Variants in EBF4 observed in about 807,000 individuals in gnomAD.
The protein encoded by EBF4 is EBF transcription factor 4.
Under a neutral mutation model 67.1 loss-of-function variants are expected in EBF4, and 34 were observed. The observed-to-expected ratio is 0.51, with a 90% CI of 0.39 to 0.67. The LOEUF (loss-of-function observed/expected upper bound fraction) is 0.67, where lower values mean the gene tolerates loss of function less well. EBF4 is among the 30% of genes least tolerant of loss of function. The pLI is 0.00. For missense variants in EBF4, 837 were observed against 873.3 expected, an observed-to-expected ratio of 0.96 and a Z score of 0.52; for synonymous variants, 387 against 377.7, an observed-to-expected ratio of 1.02 and a Z score of -0.29.
chr20:2,752,092 C>T (rs1165727869), exon 13 of EBF4: 5 of 1,458,236 alleles, frequency 3.4e-6, no homozygotes, highest in African/African-American at 3.0e-5. Context: ...GCAGGAGCTG[C>T]TCCTGAAGCG....
Position 2,749,615 on chromosome 20 carries a change from C to T in EBF4, c.758-5C>T, listed in dbSNP as rs1465773494. ...CCCTGACCTGGGTCCTCTCCTGCCT[C>T]CCAGCTGCCACCCCCTGCATCAAGG... On this transcript the variant is annotated splice_polypyrimidine_tract_variant and splice_region_variant and intron_variant, in intron 8 of 16. Coordinates refer to ENST00000609451, the Ensembl canonical transcript of EBF4. 2 of 1,554,836 alleles carry T rather than the reference C, an allele frequency of 1.3e-6. No homozygotes were observed. Among genetic ancestry groups the T allele is most frequent in the East Asian group, 2.4e-5 (1 of 41,194 alleles).
rs963214463 is a variant in EBF4, at chr20:2,739,863, C to T, written c.558-8686C>T. On this transcript the variant is annotated intron_variant, in intron 6 of 16. Coordinates refer to ENST00000609451, the Ensembl canonical transcript of EBF4. This position sits in a 1 kb window ranked among gnomAD's most constrained non-coding sequence, Gnocchi z 4.5. Reference sequence around the variant, plus strand: ...CATATCCAATTTAATCTACCCTTCACTCTTAACCTGCTGTCTTTCCCAAGG... The same window carrying T: ...CATATCCAATTTAATCTACCCTTCATTCTTAACCTGCTGTCTTTCCCAAGG... 1.3e-5 allele frequency among the ~76,000 whole-genome samples: 2 copies of T among 152,264 alleles called. No individual in the cohort carries two copies. Among genetic ancestry groups the T allele is most frequent in the African/African-American group, 4.8e-5 (2 of 41,472 alleles).
intron 6 of EBF4, 80 bp downstream of exon 6, chr20:2,709,722 G>A: frequency 7.2e-7 from 1 of 1,379,994 alleles, no homozygotes; most frequent in Non-Finnish European, 9.6e-7. Context: ...GAGCACCAAG[G>A]CTCAAGGGAG....
At chr20:2,753,130 C>G (rs887417926) in intron 14 of EBF4, among the ~76,000 whole-genome samples, 4 of 152,234 alleles carry the variant, frequency 2.6e-5, no homozygotes, top group African/African-American at 4.8e-5. Flanking sequence ...GGGCATTCAG[C>G]AAGTTACTTA....
In EBF4 at chr20:2,755,785, C is replaced by T; in HGVS notation, c.1699C>T (p.Pro567Ser). 6.5e-7 allele frequency: 1 copy of T among 1,549,754 alleles called. No homozygotes were observed. The highest frequency in any genetic ancestry group is 2.4e-5 in the East Asian group (1 of 40,910). Residue 567 changes from proline (P) to serine (S), a missense_variant, in exon 15 of 17, where the codon CCC (proline) becomes TCC (serine). By Grantham distance (74) the Pro-to-Ser change is moderately conservative. Around this residue, in one of 3 missense-constraint regions of EBF4, gnomAD observed 525 missense variants for 496.5 expected, o/e 1.06. Transcript: ENST00000609451. The surrounding 1 kb of genome is among the most constrained non-coding windows in gnomAD (Gnocchi z 4.7). ...CGTGCTGCGCCCCCCAAGCTCCCCA[C>T]CCCAGGCCTGCCCCAGAGCCCACGG...
chr20:2,729,588 C>A (rs1181002297), intron 6 of EBF4, among the ~76,000 whole-genome samples: 1 of 152,154 alleles, frequency 6.6e-6, no homozygotes, highest in South Asian at 2.1e-4. Flanking sequence ...GCTACAGCAT[C>A]TTGAGAGCTC....
intron 1 of EBF4, 59 bp from the exon 2 acceptor site, chr20:2,705,518 C>T (rs2087439657): frequency 6.4e-7 from 1 of 1,550,802 alleles, no homozygotes; most frequent in Admixed American, 2.0e-5. Flanking sequence ...GCCCGAGGCG[C>T]TGGAGTCTTT....
At chr20:2,709,268 C>T (rs1175241866) in intron 5 of EBF4, among the ~76,000 whole-genome samples, 1 of 152,192 alleles carries the variant, frequency 6.6e-6, no homozygotes, top group Non-Finnish European at 1.5e-5. Context: ...ACTGTGCTTC[C>T]ATAGAGAGAA....
chr20:2,737,141 T>G (rs966663844), intron 6 of EBF4, among the ~76,000 whole-genome samples: 1 of 150,744 alleles, frequency 6.6e-6, no homozygotes, highest in Non-Finnish European at 1.5e-5. Context: ...TCCCAGCTAC[T>G]CGGGAGGCTG....
intron 6 of EBF4, among the ~76,000 whole-genome samples, chr20:2,718,046 T>G (rs185925400): frequency 6.8e-4 from 104 of 152,288 alleles, no homozygotes; most frequent in East Asian, 1.9e-3. Flanking sequence ...CCTGACCTCG[T>G]GATCCACCCA....
chr20:2,754,623 G>A (rs986921644), intron 14 of EBF4, among the ~76,000 whole-genome samples: 13 of 152,174 alleles, frequency 8.5e-5, no homozygotes, highest in Admixed American at 7.9e-4. Flanking sequence ...GCCTTCTCAG[G>A]CTATTGCTTT....
chr20:2,712,035 G>T (rs919958125), intron 6 of EBF4, among the ~76,000 whole-genome samples: 1 of 152,194 alleles, frequency 6.6e-6, no homozygotes, highest in African/African-American at 2.4e-5. Flanking sequence ...GAGCAAGGAA[G>T]GTAGTAGGAG....
chr20:2,748,767 C>A, intron 7 of EBF4, 137 bp downstream of exon 7: 1 of 1,006,298 alleles, frequency 9.9e-7, no homozygotes, highest in Non-Finnish European at 1.4e-6. Flanking sequence ...CCTGTGCCTC[C>A]CCAGCCTGGT....
Position 2,755,876 on chromosome 20 carries a change from G to A in EBF4, c.1738+52G>A. ...GGCAGGAAGGAAGGGCCCTTGTGGA[G>A]CAGCTGGGCTACAGGGGCCTGCTCT... On this transcript the variant is annotated intron_variant, in intron 15 of 16. Transcript: ENST00000609451. The surrounding 1 kb of genome is among the most constrained non-coding windows in gnomAD (Gnocchi z 4.7). 1 of 1,499,144 alleles carries A rather than the reference G, an allele frequency of 6.7e-7. No homozygotes were observed. The highest frequency in any genetic ancestry group is 2.5e-5 in the East Asian group (1 of 40,686). The allele number at this position is 1,499,144 out of a possible 1,614,324, so 92.9% of individuals were successfully genotyped here.
intron 6 of EBF4, among the ~76,000 whole-genome samples, chr20:2,738,089 A>G (rs2146466485): frequency 6.6e-6 from 1 of 152,192 alleles, no homozygotes; most frequent in Middle Eastern, 3.4e-3. Context: ...GAAGGGGGAC[A>G]TTCTCACTTA....
chr20:2,740,053 C>G (rs1462958645), intron 6 of EBF4, among the ~76,000 whole-genome samples: 1 of 152,270 alleles, frequency 6.6e-6, no homozygotes, highest in African/African-American at 2.4e-5. Context: ...TGGCCCACGC[C>G]TGTAATTCCA....
At chr20:2,714,887 C>G (rs2087588407) in intron 6 of EBF4, among the ~76,000 whole-genome samples, 1 of 151,920 alleles carries the variant, frequency 6.6e-6, no homozygotes, top group Admixed American at 6.6e-5. Context: ...TGGTTGCTTC[C>G]AGTATTTAGA....
chr20:2,716,815 A>C (rs1225923822), intron 6 of EBF4, among the ~76,000 whole-genome samples: 1 of 152,168 alleles, frequency 6.6e-6, no homozygotes, highest in Admixed American at 6.6e-5. Flanking sequence ...TAGACTCTCT[A>C]TTTTATTCCT....
intron 10 of EBF4, among the ~76,000 whole-genome samples, chr20:2,750,811 C>T (rs1412316978): frequency 6.6e-6 from 1 of 152,132 alleles, no homozygotes; most frequent in Admixed American, 6.5e-5. Flanking sequence ...CCCGGCTCAA[C>T]CGAAACCCGA....
Sources: allele counts gnomAD v4.1 joint callset (sites outside exome capture counted in the v4.1 genomes callset), GRCh38; gene constraint gnomAD v4.1.1; regional missense constraint gnomAD v4.1.1; non-coding constraint Gnocchi (gnomAD v3.1); transcripts MANE v1.5; gene names NCBI Gene and HGNC (gene_info 2026-07-23, HGNC 2026-07-21).